The following ASCC1 variants were observed in gnomAD, a reference collection of about 807,000 sequenced individuals.
ASCC1 encodes the protein ASC-1 complex subunit P50.
ASCC1 carries 35 observed loss-of-function variants against 46.6 expected under a neutral mutation model. The observed-to-expected ratio is 0.75, with a 90% CI of 0.57 to 0.99. The LOEUF (loss-of-function observed/expected upper bound fraction) is 0.99. ASCC1 is among the 50% of genes least tolerant of loss of function. ASCC1 has a pLI of 0.00. For synonymous variants in ASCC1, 143 were observed against 146.6 expected (o/e 0.98, Z 0.18); for missense variants, 376 against 428.7 (o/e 0.88, Z 1.09).
At chr10:72,124,285 A>G (rs940448693) in intron 9 of ASCC1, among the ~76,000 whole-genome samples, 9 of 152,236 alleles carry the variant, frequency 5.9e-5, no homozygotes, top group Non-Finnish European at 1.0e-4. Context: ...TCCCTTTTAC[A>G]TGGCTTATAT....
intron 5 of ASCC1, among the ~76,000 whole-genome samples, chr10:72,193,123 C>T (rs891732761): frequency 6.6e-6 from 1 of 152,130 alleles, no homozygotes; most frequent in Admixed American, 6.6e-5. Flanking sequence ...CACAGCAACC[C>T]CATTCCTGGG....
chr10:72,214,532 C>A (rs1858770500), intron 1 of ASCC1, among the ~76,000 whole-genome samples: 1 of 151,294 alleles, frequency 6.6e-6, no homozygotes, highest in African/African-American at 2.4e-5. Flanking sequence ...CCTGCCACCA[C>A]CCCCGGCTAA....
intron 7 of ASCC1, among the ~76,000 whole-genome samples, chr10:72,149,137 T>A (rs368784166): frequency 0.01 from 1,467 of 144,818 alleles, 19 homozygotes; most frequent in African/African-American, 0.035. Context: ...ACTTTTCAGT[T>A]AAAAAAAAAA....
intron 6 of ASCC1, among the ~76,000 whole-genome samples, chr10:72,154,514 C>T (rs568079135): frequency 1.4e-5 from 2 of 142,442 alleles, no homozygotes; most frequent in South Asian, 2.2e-4. Flanking sequence ...TTTTTTGAGA[C>T]AGGGCCACAC....
intron 8 of ASCC1, among the ~76,000 whole-genome samples, chr10:72,130,607 C>T (rs186435370): frequency 1.4e-4 from 22 of 152,242 alleles, no homozygotes; most frequent in African/African-American, 4.8e-4. Context: ...GAGCTCTGAA[C>T]AAATATTTAA....
At chr10:72,185,446 A>G (rs1337343352) in intron 5 of ASCC1, among the ~76,000 whole-genome samples, 1 of 152,236 alleles carries the variant, frequency 6.6e-6, no homozygotes, top group Non-Finnish European at 1.5e-5. Flanking sequence ...AAAGTGGTAC[A>G]TTCATGCAAA....
At chr10:72,203,950 T>C (rs1258961383) in intron 3 of ASCC1, among the ~76,000 whole-genome samples, 1 of 152,048 alleles carries the variant, frequency 6.6e-6, no homozygotes, top group African/African-American at 2.4e-5. Context: ...AGACCCCGTC[T>C]CTAAAAAAAT....
chr10:72,127,664 CT>C lies in ASCC1; in HGVS notation c.957+417del, dbSNP rs3063665. Among the ~76,000 whole-genome samples the C allele has an allele frequency of 8.5e-4, 111 of 129,942 alleles. 1 individual carries two copies. The highest frequency in any genetic ancestry group is 3.2e-3 in the East Asian group (15 of 4,686). 85.2% of individuals were successfully genotyped at this position (129,942 alleles called of 152,430 possible). A position where few individuals can be genotyped will look rare whatever the true frequency, so the allele number is the denominator to read the frequency against. The stretch of plus-strand genomic sequence containing the variant: ...AAGTGGTTGGAATACCTAAGGGTTT[CT>C]TTTTTTTTTTTTTTCCTAAGTGTTT... On this transcript the variant is annotated intron_variant, in intron 9 of 9. Transcript: ENST00000672957.
chr10:72,213,094 T>A, intron 2 of ASCC1, 93 bp downstream of exon 2: 1 of 850,620 alleles, frequency 1.2e-6, no homozygotes, highest in East Asian at 2.6e-5. Flanking sequence ...ATTTCAGTGC[T>A]GACACAGAAA....
intron 7 of ASCC1, among the ~76,000 whole-genome samples, chr10:72,143,426 C>T (rs775451085): frequency 2.6e-5 from 4 of 151,566 alleles, no homozygotes; most frequent in African/African-American, 9.7e-5. Flanking sequence ...TGGCCTCAAA[C>T]CCCTGGGCTC....
intron 5 of ASCC1, among the ~76,000 whole-genome samples, chr10:72,167,310 GA>G (rs1850475576): frequency 6.6e-6 from 1 of 152,156 alleles, no homozygotes; most frequent in Non-Finnish European, 1.5e-5. Context: ...CAAAAACATA[GA>G]TAAGCCTCAA....
rs989630988 is a variant in ASCC1, at chr10:72,159,908, T to C, written c.626+1630A>G. ...GTGTTTGTATTACACAGTTTCTTTT[T>C]TTTTTTTTTTTTTTGAGATGGAGTC... On this transcript the variant is annotated intron_variant, in intron 6 of 9. Transcript: ENST00000672957. Among the ~76,000 whole-genome samples, 5 of 149,432 alleles carry C rather than the reference T, an allele frequency of 3.3e-5. No homozygotes were observed. The South Asian group carries it at 8.5e-4, about 25-fold the overall frequency.
At chr10:72,136,654 C>T (rs1846253399) in intron 7 of ASCC1, among the ~76,000 whole-genome samples, 1 of 152,216 alleles carries the variant, frequency 6.6e-6, no homozygotes, top group South Asian at 2.1e-4. Context: ...TTGGGTCCCC[C>T]TTCCATGCTG....
intron 5 of ASCC1, among the ~76,000 whole-genome samples, chr10:72,175,128 G>T (rs574265449): frequency 6.6e-6 from 1 of 152,284 alleles, no homozygotes; most frequent in East Asian, 1.9e-4. Context: ...AAGAGCATTT[G>T]GCTGTGCAAC....
chr10:72,111,635 G>C (rs901700454), intron 9 of ASCC1, among the ~76,000 whole-genome samples: 1 of 151,974 alleles, frequency 6.6e-6, no homozygotes, highest in Non-Finnish European at 1.5e-5. Context: ...CTCGGATATG[G>C]GGAAGACAGC....
At chr10:72,153,723 G>C (rs1848636107) in intron 6 of ASCC1, among the ~76,000 whole-genome samples, 1 of 150,950 alleles carries the variant, frequency 6.6e-6, no homozygotes, top group East Asian at 2.0e-4. Flanking sequence ...ACCACGCCTG[G>C]CCTTTTTTAT....
intron 4 of ASCC1, chr10:72,198,541 G>A: frequency 6.6e-6 from 3 of 455,634 alleles, no homozygotes; most frequent in South Asian, 4.6e-5. Context: ...CTGAAACTCT[G>A]TCTCTACAGT....
At chr10:72,140,773 A>T (rs1234024975) in intron 7 of ASCC1, among the ~76,000 whole-genome samples, 1 of 152,244 alleles carries the variant, frequency 6.6e-6, no homozygotes, top group Non-Finnish European at 1.5e-5. Flanking sequence ...TGTGAAAGGA[A>T]GATGGCAAAC....
chr10:72,133,702 A>G (rs1845863058), intron 7 of ASCC1: 1 of 177,140 alleles, frequency 5.6e-6, no homozygotes, highest in East Asian at 1.5e-4. Flanking sequence ...CCACAGAAAG[A>G]CTTTCAAAAG....
Sources: allele counts gnomAD v4.1 joint callset (sites outside exome capture counted in the v4.1 genomes callset), GRCh38; gene constraint gnomAD v4.1.1; transcripts MANE v1.5; gene names NCBI Gene and HGNC (gene_info 2026-07-23, HGNC 2026-07-21).